The following FAF1 variants were observed in gnomAD, a reference collection of about 807,000 sequenced individuals.
FAF1 encodes the protein Fas associated factor 1.
In FAF1, 25 loss-of-function variants were observed where a neutral mutation model predicts 92.5. The ratio of observed to expected loss-of-function variants is 0.27; its 90% CI spans 0.20 to 0.38. The LOEUF (loss-of-function observed/expected upper bound fraction) is 0.38, where lower values mean the gene tolerates loss of function less well. Ranked by LOEUF, FAF1 falls within the 10% of genes least tolerant of loss-of-function variation. The probability of loss-of-function intolerance (pLI) is 1.00; values close to 1 mark genes in which losing one functional copy is unlikely to be tolerated. For missense variants in FAF1, 636 were observed against 793.3 expected (o/e 0.80, Z 2.38); for synonymous variants, 234 against 273.2 (o/e 0.86, Z 1.42).
At chr1:50,682,787 A>C (rs921489720) in intron 7 of FAF1, among the ~76,000 whole-genome samples, 4 of 152,248 alleles carry the variant, frequency 2.6e-5, no homozygotes, top group Non-Finnish European at 2.9e-5. Flanking sequence ...TAGTCTTTTA[A>C]TATTTAGTGT....
intron 1 of FAF1, among the ~76,000 whole-genome samples, chr1:50,936,938 C>A (rs557770875): frequency 6.6e-6 from 1 of 151,788 alleles, no homozygotes; most frequent in African/African-American, 2.4e-5. Flanking sequence ...GGGAGTCAGA[C>A]GAAGCAGAGA....
intron 4 of FAF1, among the ~76,000 whole-genome samples, chr1:50,779,918 TAAAAAAAGAAAA>T (rs1299842658): frequency 6.8e-6 from 1 of 147,542 alleles, no homozygotes; most frequent in African/African-American, 2.5e-5. Context: ...GCCTGTCTCT[TAAAAAAAGAAAA>T]AGAAAAAGAA....
At chr1:50,936,341 TA>T (rs1487402241) in intron 1 of FAF1, among the ~76,000 whole-genome samples, 1 of 152,128 alleles carries the variant, frequency 6.6e-6, no homozygotes, top group Admixed American at 6.5e-5. Flanking sequence ...TCTATTTTTT[TA>T]AAAAAGAAGA....
In FAF1 at chr1:50,960,044, C is replaced by G. The variant is rs1271348095; in HGVS notation, c.-233G>C. 2.5e-6 allele frequency: 1 copy of G among 395,388 alleles called. No homozygotes were observed. The highest frequency in any genetic ancestry group is 4.5e-6 in the Non-Finnish European group (1 of 224,128). The allele number at this position is 395,388 out of a possible 1,614,324, so 24.5% of individuals were successfully genotyped here. A position where few individuals can be genotyped will look rare whatever the true frequency, so the allele number is the denominator to read the frequency against. On this transcript the variant is annotated 5_prime_UTR_variant, in exon 1 of 19. Coordinates refer to ENST00000396153, the MANE Select transcript of FAF1 (RefSeq NM_007051.3). ...GGCCGCCCGCCTGCAACCTGCGGAGCCCGCGTCGCAGCAGCCCGGACAGGA... is the reference window on the plus strand; with the variant it reads ...GGCCGCCCGCCTGCAACCTGCGGAGGCCGCGTCGCAGCAGCCCGGACAGGA...
At chr1:50,595,611 C>T (rs777140173) in intron 9 of FAF1, among the ~76,000 whole-genome samples, 24 of 152,106 alleles carry the variant, frequency 1.6e-4, no homozygotes, top group Non-Finnish European at 2.1e-4. Context: ...GGCGCGATCT[C>T]GGCTCACTGC....
intron 15 of FAF1, among the ~76,000 whole-genome samples, chr1:50,519,413 A>AGGGCGG (rs1647385811): frequency 8.2e-6 from 1 of 122,514 alleles, no homozygotes; most frequent in African/African-American, 3.5e-5. Flanking sequence ...GGAGGGAGGG[A>AGGGCGG]GAGAAGGAAG....
chr1:50,624,625 T>C (rs990579887), intron 8 of FAF1, among the ~76,000 whole-genome samples: 2 of 152,150 alleles, frequency 1.3e-5, no homozygotes, highest in Non-Finnish European at 2.9e-5. Flanking sequence ...GGCTTCAACA[T>C]ATGAAAAGGA....
chr1:50,645,214 A>T (rs1654527216), intron 8 of FAF1, among the ~76,000 whole-genome samples: 2 of 152,204 alleles, frequency 1.3e-5, no homozygotes, highest in Non-Finnish European at 1.5e-5. Flanking sequence ...GAAAATGTCC[A>T]AAGATTGCCT....
rs367739340 is a variant in FAF1, at chr1:50,486,292, C to T, written c.1653+4296G>A. On this transcript the variant is annotated intron_variant, in intron 17 of 18. Coordinates refer to ENST00000396153, the MANE Select transcript of FAF1 (RefSeq NM_007051.3). ...AGCTTAGTATCTATTTTAATTCACC[C>T]AAGATTCGCCAAAATTCAGGCCTTT... Among the ~76,000 whole-genome samples, 25 of 152,262 alleles carry T rather than the reference C, an allele frequency of 1.6e-4. No individual in the cohort carries two copies. In the South Asian group the frequency reaches 4.1e-3, roughly 25 times the overall value.
intron 7 of FAF1, 92 bp downstream of exon 7, chr1:50,705,694 A>C (rs1657645656): frequency 3.2e-6 from 2 of 627,470 alleles, no homozygotes; most frequent in Admixed American, 5.6e-5. Flanking sequence ...CATAAAGAGA[A>C]TTTCCAACCA....
At chr1:50,506,678 T>C (rs1424349052) in intron 15 of FAF1, among the ~76,000 whole-genome samples, 1 of 152,238 alleles carries the variant, frequency 6.6e-6, no homozygotes, top group East Asian at 1.9e-4. Context: ...AGTTAATGTA[T>C]GGTTGATGCT....
intron 3 of FAF1, among the ~76,000 whole-genome samples, chr1:50,791,223 T>C (rs1418736850): frequency 6.6e-6 from 1 of 152,226 alleles, no homozygotes; most frequent in East Asian, 1.9e-4. Flanking sequence ...AAGTGAGCTC[T>C]TAAATATCTA....
At chr1:50,666,183 G>A (rs1655613980) in intron 7 of FAF1, among the ~76,000 whole-genome samples, 1 of 151,810 alleles carries the variant, frequency 6.6e-6, no homozygotes. Flanking sequence ...CAAATTGCTG[G>A]GATTACAGGC....
chr1:50,938,758 G>C (rs143218158), intron 1 of FAF1, among the ~76,000 whole-genome samples: 3 of 152,128 alleles, frequency 2.0e-5, no homozygotes, highest in African/African-American at 2.4e-5. Context: ...CTCATATATG[G>C]TGAAAGGTAA....
At chr1:50,711,935 C>A (rs1314181826) in intron 6 of FAF1, among the ~76,000 whole-genome samples, 1 of 152,154 alleles carries the variant, frequency 6.6e-6, no homozygotes, top group Non-Finnish European at 1.5e-5. Context: ...ACAAGCGCTA[C>A]CACATACCAG....
chr1:50,848,113 C>G (rs1355981218), intron 2 of FAF1, among the ~76,000 whole-genome samples: 1 of 151,782 alleles, frequency 6.6e-6, no homozygotes, highest in African/African-American at 2.4e-5. Flanking sequence ...AAAGAATATG[C>G]CAGACAAAAA....
At chr1:50,879,297 G>A (rs1449594207) in intron 1 of FAF1, among the ~76,000 whole-genome samples, 1 of 151,996 alleles carries the variant, frequency 6.6e-6, no homozygotes, top group African/African-American at 2.4e-5. Flanking sequence ...TCAGATTAAT[G>A]TAATTCATCT....
intron 2 of FAF1, among the ~76,000 whole-genome samples, chr1:50,826,195 C>A (rs528969030): frequency 2.2e-4 from 33 of 152,212 alleles, no homozygotes; most frequent in African/African-American, 7.9e-4. Context: ...AACAAATACT[C>A]TTTCTTGTGT....
At chr1:50,470,043 A>G (rs2148995672) in intron 18 of FAF1, among the ~76,000 whole-genome samples, 1 of 152,358 alleles carries the variant, frequency 6.6e-6, no homozygotes, top group East Asian at 1.9e-4. Context: ...ATTCAATTGC[A>G]TTAAAGTTTT....
Sources: gnomAD v4.1 joint callset for allele counts (sites outside exome capture counted in the v4.1 genomes callset) on GRCh38, gnomAD v4.1.1 for gene constraint, MANE v1.5 for transcripts, NCBI Gene and HGNC (gene_info 2026-07-23, HGNC 2026-07-21) for gene names.